EGFLAM: variants seen among roughly 807,000 people sequenced by gnomAD.
The protein encoded by EGFLAM is EGF like, fibronectin type III and laminin G domains.
In EGFLAM, 79 loss-of-function variants were observed where a neutral mutation model predicts 113.1. The observed-to-expected ratio is 0.70, with a 90% CI of 0.58 to 0.84. The LOEUF (loss-of-function observed/expected upper bound fraction) is 0.84, where lower values mean the gene tolerates loss of function less well. Among genes scored for constraint, EGFLAM ranks in the 40% least tolerant of loss-of-function variants. The pLI is 0.00. For missense variants in EGFLAM, 1,265 were observed against 1,291.6 expected, an observed-to-expected ratio of 0.98 and a Z score of 0.32; for synonymous variants, 504 against 487.6, an observed-to-expected ratio of 1.03 and a Z score of -0.44.
intron 5 of EGFLAM, among the ~76,000 whole-genome samples, chr5:38,352,665 A>G (rs1194287841): frequency 1.3e-5 from 2 of 151,492 alleles, no homozygotes; most frequent in Non-Finnish European, 2.9e-5. Flanking sequence ...AAAAAAAGCC[A>G]AATGTGTAGA....
intron 1 of EGFLAM, among the ~76,000 whole-genome samples, chr5:38,264,982 A>G (rs1267895473): frequency 6.6e-6 from 1 of 152,000 alleles, no homozygotes; most frequent in Non-Finnish European, 1.5e-5. Context: ...TCTCTCTTTG[A>G]CTCCATCTCT....
chr5:38,404,909 G>A (rs761884582), intron 6 of EGFLAM, among the ~76,000 whole-genome samples: 14 of 152,198 alleles, frequency 9.2e-5, no homozygotes, highest in Non-Finnish European at 2.1e-4. Flanking sequence ...AAATCAGAGC[G>A]CTGTGGATCA....
chr5:38,463,103 G>C, intron 21 of EGFLAM, 92 bp downstream of exon 21: 1 of 1,230,536 alleles, frequency 8.1e-7, no homozygotes, highest in Non-Finnish European at 1.1e-6. Flanking sequence ...TACTTTGCTG[G>C]ATCAAATACC....
intron 1 of EGFLAM, among the ~76,000 whole-genome samples, chr5:38,321,320 CAGTAATGCT>C (rs1163888618): frequency 6.6e-6 from 1 of 152,108 alleles, no homozygotes; most frequent in African/African-American, 2.4e-5. Context: ...GGAACTCAGG[CAGTAATGCT>C]AGTAATGGGG....
intron 11 of EGFLAM, among the ~76,000 whole-genome samples, chr5:38,416,310 A>G (rs1300187337): frequency 6.6e-6 from 1 of 152,232 alleles, no homozygotes; most frequent in East Asian, 1.9e-4. Context: ...GCTAAGAGAG[A>G]GGAGACGGAC....
chr5:38,338,760 C>T lies in EGFLAM; in HGVS notation c.270C>T (p.Leu90=). 3 of 1,614,258 alleles carry T rather than the reference C, an allele frequency of 1.9e-6. No homozygotes were observed. The highest frequency in any genetic ancestry group is 2.5e-6 in the Non-Finnish European group (3 of 1,180,032). Residue 90 remains leucine, a synonymous_variant, in exon 3 of 22, where the codon CTC becomes CTT. Coordinates refer to ENST00000322350, the MANE Select transcript of EGFLAM (RefSeq NM_152403.4). ...SLQEQLHSVP[L]SRDIPTTEEV... ...AGGAGCAGTTGCACAGCGTGCCTCT[C>T]AGCCGGGACATCCCGACCACGGTGA...
Position 38,465,349 on chromosome 5 carries a change from A to G in EGFLAM, c.*1363A>G, listed in dbSNP as rs1194615499. On this transcript the variant is annotated 3_prime_UTR_variant, in exon 22 of 22. Coordinates refer to ENST00000322350, the MANE Select transcript of EGFLAM (RefSeq NM_152403.4). ...TATGATCTAACTTATGCAAGAGCCT[A>G]TAATTAGTCCCAGTCTCGACTCTAC... is the stretch of plus-strand genomic sequence containing the variant. Among the ~76,000 whole-genome samples, 1 of 152,252 alleles carries G rather than the reference A, an allele frequency of 6.6e-6. No homozygotes were observed. Among genetic ancestry groups the G allele is most frequent in the East Asian group, 1.9e-4 (1 of 5,200 alleles).
chr5:38,398,168 G>T (rs1185907928), intron 6 of EGFLAM, among the ~76,000 whole-genome samples: 2 of 152,178 alleles, frequency 1.3e-5, no homozygotes, highest in African/African-American at 4.8e-5. Flanking sequence ...GAAAGGTGTG[G>T]CTCCCCTTGG....
chr5:38,368,124 G>C (rs925715121), intron 5 of EGFLAM, among the ~76,000 whole-genome samples: 11 of 152,112 alleles, frequency 7.2e-5, no homozygotes, highest in African/African-American at 2.7e-4. Flanking sequence ...ATATCACAAG[G>C]GAAGCTTAGC....
intron 3 of EGFLAM, among the ~76,000 whole-genome samples, chr5:38,345,194 ACT>A (rs1160562796): frequency 6.6e-6 from 1 of 152,208 alleles, no homozygotes; most frequent in Non-Finnish European, 1.5e-5. Context: ...AGTTACAGAA[ACT>A]CTCTGAATCC....
intron 1 of EGFLAM, among the ~76,000 whole-genome samples, chr5:38,264,172 T>C (rs1481825970): frequency 6.6e-6 from 1 of 152,134 alleles, no homozygotes; most frequent in East Asian, 1.9e-4. Flanking sequence ...TCTCTGGCAC[T>C]AGGGGGGCTG....
intron 5 of EGFLAM, among the ~76,000 whole-genome samples, chr5:38,369,036 G>A (rs527366239): frequency 6.6e-6 from 1 of 152,276 alleles, no homozygotes; most frequent in Admixed American, 6.5e-5. Flanking sequence ...TGCAGGCCAT[G>A]CACAATTATT....
intron 1 of EGFLAM, among the ~76,000 whole-genome samples, chr5:38,303,779 A>G (rs1758654264): frequency 6.6e-6 from 1 of 152,208 alleles, no homozygotes; most frequent in South Asian, 2.1e-4. Flanking sequence ...AAATGGTAAC[A>G]GTCACAAAAT....
chr5:38,382,976 C>T (rs982709759), intron 6 of EGFLAM, among the ~76,000 whole-genome samples: 1 of 152,206 alleles, frequency 6.6e-6, no homozygotes, highest in Non-Finnish European at 1.5e-5. Context: ...ATGCCAGCCA[C>T]AGCTGCTCAG....
At chr5:38,272,739 C>T (rs940449061) in intron 1 of EGFLAM, among the ~76,000 whole-genome samples, 1 of 147,334 alleles carries the variant, frequency 6.8e-6, no homozygotes, top group African/African-American at 2.6e-5. Flanking sequence ...CATCAGTTGA[C>T]TTTTTGAGAG....
chr5:38,287,429 T>C (rs781484541), intron 1 of EGFLAM, among the ~76,000 whole-genome samples: 15 of 152,176 alleles, frequency 9.9e-5, no homozygotes, highest in Non-Finnish European at 1.8e-4. Flanking sequence ...TGGAGGGCAG[T>C]GGCACAATCT....
In EGFLAM at chr5:38,461,519, T is replaced by G. The variant is rs79554621; in HGVS notation, c.2772-1389T>G. Among the ~76,000 whole-genome samples, 95 of 152,342 alleles carry G rather than the reference T, an allele frequency of 6.2e-4. No individual in the cohort carries two copies. The East Asian group carries it at 0.018, about 28-fold the overall frequency. On this transcript the variant is annotated intron_variant, in intron 20 of 21. Coordinates refer to ENST00000322350, the MANE Select transcript of EGFLAM (RefSeq NM_152403.4). ...GGAATATTTTAGAGTAATTAATTTTTTTTTTTAAAGGCAGGGCAAGCAAGG... is the reference window on the plus strand; with the variant it reads ...GGAATATTTTAGAGTAATTAATTTTGTTTTTTAAAGGCAGGGCAAGCAAGG...
intron 1 of EGFLAM, among the ~76,000 whole-genome samples, chr5:38,279,900 T>C (rs1011886492): frequency 7.9e-5 from 12 of 152,098 alleles, no homozygotes; most frequent in Non-Finnish European, 1.5e-4. Context: ...CTATGTGAGG[T>C]AATGCATTTG....
At chr5:38,392,742 G>A (rs947471196) in intron 6 of EGFLAM, among the ~76,000 whole-genome samples, 2 of 151,928 alleles carry the variant, frequency 1.3e-5, no homozygotes, top group African/African-American at 4.8e-5. Context: ...GTGCAGGTTT[G>A]TTACATATGT....
Sources: gnomAD v4.1 joint callset for allele counts (sites outside exome capture counted in the v4.1 genomes callset) on GRCh38, gnomAD v4.1.1 for gene constraint, MANE v1.5 for transcripts, NCBI Gene and HGNC (gene_info 2026-07-23, HGNC 2026-07-21) for gene names.